MID2: variants seen among roughly 807,000 people sequenced by gnomAD.
The protein encoded by MID2 is probable E3 ubiquitin-protein ligase MID2.
In MID2, 13 loss-of-function variants were observed where a neutral mutation model predicts 46.1. The observed-to-expected ratio is 0.28, with a 90% CI of 0.18 to 0.45. The LOEUF (loss-of-function observed/expected upper bound fraction) is 0.45, where lower values mean the gene tolerates loss of function less well. Ranked by LOEUF, MID2 falls within the 20% of genes least tolerant of loss-of-function variation. MID2 has a pLI of 1.00. For synonymous variants in MID2, 199 were observed against 212.3 expected, an observed-to-expected ratio of 0.94 and a Z score of 0.55; for missense variants, 431 against 575.4, an observed-to-expected ratio of 0.75 and a Z score of 2.57.
intron 3 of MID2, among the ~76,000 whole-genome samples, chrX:107,890,297 G>C (rs1394982205): frequency 4.5e-5 from 5 of 111,889 alleles, no homozygotes; most frequent in Non-Finnish European, 7.5e-5. Context: ...TGGGGTTTTG[G>C]TGTGGATGTC....
chrX:107,924,196 G>A (rs764087311), intron 7 of MID2, 147 bp from the exon 8 acceptor site: 2 of 525,065 alleles, frequency 3.8e-6, no homozygotes, highest in African/African-American at 4.7e-5. Flanking sequence ...CATAAGCCCT[G>A]GTTCATCTCA....
intron 2 of MID2, among the ~76,000 whole-genome samples, chrX:107,852,469 C>T (rs747068681): frequency 1.8e-5 from 2 of 111,557 alleles, no homozygotes; most frequent in Non-Finnish European, 3.8e-5. Context: ...TCTTCCTTCC[C>T]CTTTTCTTTG....
intron 3 of MID2, among the ~76,000 whole-genome samples, chrX:107,877,497 A>G (rs149409547): frequency 8.9e-6 from 1 of 112,022 alleles, no homozygotes; most frequent in African/African-American, 3.2e-5. Flanking sequence ...AGGGAGAGAG[A>G]AAGTGAACCT....
intron 3 of MID2, among the ~76,000 whole-genome samples, chrX:107,867,403 C>T (rs1315412066): frequency 3.7e-5 from 4 of 109,044 alleles, no homozygotes; most frequent in Non-Finnish European, 7.6e-5. Context: ...CCTTGTGATC[C>T]GCCCACCTCG....
In MID2 at chrX:107,929,095, G is replaced by T. The variant is rs985103664; in HGVS notation, c.*2022G>T. On this transcript the variant is annotated 3_prime_UTR_variant, in exon 10 of 10. Transcript: ENST00000262843. Reference sequence around the variant, plus strand: ...TCTACTTCACAAGGCTGTTTCAAAGGTTAAAAAAGATAGCATATGTAAACT... The same window carrying T: ...TCTACTTCACAAGGCTGTTTCAAAGTTTAAAAAAGATAGCATATGTAAACT... Among the ~76,000 whole-genome samples, 2 of 111,383 alleles carry T rather than the reference G, an allele frequency of 1.8e-5. No homozygotes were observed. Among genetic ancestry groups the T allele is most frequent in the Non-Finnish European group, 3.8e-5 (2 of 52,956 alleles).
At chrX:107,903,655 G>A (rs923154791) in intron 3 of MID2, among the ~76,000 whole-genome samples, 5 of 111,476 alleles carry the variant, frequency 4.5e-5, no homozygotes, top group Non-Finnish European at 3.8e-5. Flanking sequence ...AACAGCAGGA[G>A]GAAAGGGTAC....
intron 1 of MID2, among the ~76,000 whole-genome samples, chrX:107,839,379 GTT>G (rs746993882): frequency 2.1e-5 from 2 of 93,761 alleles, no homozygotes; most frequent in Non-Finnish European, 2.2e-5. Flanking sequence ...TGTTTTGTTT[GTT>G]TTTTTTTTTT....
rs1602502658 is a variant in MID2 at position 107,910,979 on chromosome X, T to C, written c.1074-5023T>C. On this transcript the variant is annotated intron_variant, in intron 5 of 9. Transcript: ENST00000262843. Reference sequence around the variant, plus strand: ...AGTGATTCTTCTGCCTCAGCCTCCCTGGTAGCTGGGACTACAGGCTCACGC... The same window carrying C: ...AGTGATTCTTCTGCCTCAGCCTCCCCGGTAGCTGGGACTACAGGCTCACGC... Among the ~76,000 whole-genome samples, 3 of 101,722 alleles carry C rather than the reference T, an allele frequency of 2.9e-5. 1 individual carries two copies. In the Admixed American group the frequency reaches 3.4e-4, roughly 11 times the overall value. 88.3% of individuals were successfully genotyped at this position (101,722 alleles called of 115,157 possible). A position where few individuals can be genotyped will look rare whatever the true frequency, so the allele number is the denominator to read the frequency against.
chrX:107,926,259 G>C lies in MID2; in HGVS notation c.1763G>C (p.Ser588Thr). The change falls in exon 9 of 10, where the codon AGT becomes ACT. Residue 588 changes from serine (S) to threonine (T), a missense_variant. Ser to Thr is a moderately conservative substitution (Grantham distance 58, BLOSUM62 1). Transcript: ENST00000262843. ...GCAGCAGGAAATATATTCATTGACA[G>C]TGGCTGCCACTATTGGGAGGTGGTC... ...YGAAGNIFID[S>T]GCHYWEVVMG... is the part of the protein sequence containing the mutation. 5.8e-6 allele frequency: 7 copies of C among 1,210,440 alleles called. No individual in the cohort carries two copies. Among genetic ancestry groups the C allele is most frequent in the Non-Finnish European group, 7.8e-6 (7 of 894,955 alleles).
In MID2 at chrX:107,930,908, C is replaced by T. The variant is rs1360994217; in HGVS notation, c.*3835C>T. On this transcript the variant is annotated 3_prime_UTR_variant, in exon 10 of 10. Coordinates refer to ENST00000262843, the MANE Select transcript of MID2 (RefSeq NM_012216.4). The stretch of plus-strand genomic sequence containing the variant: ...TTATATTGTCTTATTGAAGAAAGCA[C>T]AAAAATAATCAAAAATAAAGTAAAA... 8.9e-6 allele frequency among the ~76,000 whole-genome samples: 1 copy of T among 111,852 alleles called. No individual in the cohort carries two copies. The highest frequency in any genetic ancestry group is 1.9e-5 in the Non-Finnish European group (1 of 53,076).
intron 3 of MID2, among the ~76,000 whole-genome samples, chrX:107,874,545 C>T (rs751119303): frequency 5.3e-5 from 6 of 112,441 alleles, no homozygotes; most frequent in Non-Finnish European, 1.1e-4. Flanking sequence ...GGGCCATTTG[C>T]TTTGCTTCTG....
chrX:107,845,525 A>ACT lies in MID2; in HGVS notation c.720+4172_720+4173dup, dbSNP rs766707051. Among the ~76,000 whole-genome samples, 717 of 72,877 alleles carry ACT rather than the reference A, an allele frequency of 9.8e-3. 8 individuals are homozygous for ACT. The highest frequency in any genetic ancestry group is 0.021 in the East Asian group (56 of 2,618). 63.3% of individuals were successfully genotyped at this position (72,877 alleles called of 115,157 possible). ...CACACACACACACACACACACACACACTCTCTCTCTCTCTCTCTCTCTCTC... is the reference window on the plus strand; with the variant it reads ...CACACACACACACACACACACACACACTCTCTCTCTCTCTCTCTCTCTCTCTC... On this transcript the variant is annotated intron_variant, in intron 2 of 9. Coordinates refer to ENST00000262843, the MANE Select transcript of MID2 (RefSeq NM_012216.4).
intron 3 of MID2, among the ~76,000 whole-genome samples, chrX:107,900,987 C>T (rs1010518863): frequency 5.4e-5 from 6 of 111,717 alleles, no homozygotes; most frequent in African/African-American, 2.0e-4. Flanking sequence ...TTCCTGGCTT[C>T]AGAGTAGAGG....
At position 107,826,302 on chromosome X, in the gene MID2, A is replaced by AGCGGCGGCG. The variant is rs1040001825; in HGVS notation, c.-118_-110dup. Reference sequence around the variant, plus strand: ...AAGGCGGGCGGCGGCCTACAGTGGTAGCGGCGGCGGCGGCGACCGGGGCCC... The same window carrying AGCGGCGGCG: ...AAGGCGGGCGGCGGCCTACAGTGGTAGCGGCGGCGGCGGCGGCGGCGGCGACCGGGGCCC... On this transcript the variant is annotated 5_prime_UTR_variant, in exon 1 of 10. Coordinates refer to ENST00000262843, the MANE Select transcript of MID2 (RefSeq NM_012216.4). The AGCGGCGGCG allele has an allele frequency of 3.1e-5, 24 of 783,026 alleles. No individual in the cohort carries two copies. Among genetic ancestry groups the AGCGGCGGCG allele is most frequent in the Non-Finnish European group, 1.0e-5 (6 of 591,807 alleles). The allele number at this position is 783,026 out of a possible 1,213,427, so 64.5% of individuals were successfully genotyped here.
intron 6 of MID2, among the ~76,000 whole-genome samples, chrX:107,916,494 C>T (rs1256619406): frequency 1.8e-5 from 2 of 111,614 alleles, no homozygotes; most frequent in Non-Finnish European, 1.9e-5. Flanking sequence ...GGTGTAAGTA[C>T]AACCAAAATG....
intron 8 of MID2, 87 bp downstream of exon 8, chrX:107,924,591 G>T: frequency 1.0e-6 from 1 of 983,985 alleles, no homozygotes; most frequent in Non-Finnish European, 1.4e-6. Flanking sequence ...TCACAGCAGT[G>T]CATGGGGAGC....
At chrX:107,863,852 C>G (rs997142404) in intron 3 of MID2, among the ~76,000 whole-genome samples, 1 of 112,468 alleles carries the variant, frequency 8.9e-6, no homozygotes, top group African/African-American at 3.2e-5. Context: ...CTCTGTGGTA[C>G]GGTAAGCAAG....
intron 3 of MID2, among the ~76,000 whole-genome samples, chrX:107,856,591 T>C (rs1261088802): frequency 9.0e-6 from 1 of 111,662 alleles, no homozygotes; most frequent in Non-Finnish European, 1.9e-5. Context: ...CACCCAAACA[T>C]AGCCTGTTCC....
At position 107,879,107 on chromosome X, in the gene MID2, G is replaced by A. The variant is rs149934189; in HGVS notation, c.816+24403G>A. ...ATGTGGATCTGCAGCAGCATCTGGC[G>A]GGGGTGGGGCCATGACCCCTGAAGC... is the stretch of plus-strand genomic sequence containing the variant. On this transcript the variant is annotated intron_variant, in intron 3 of 9. Transcript: ENST00000262843. 3.1e-3 allele frequency among the ~76,000 whole-genome samples: 343 copies of A among 111,305 alleles called. 1 individual carries two copies. Among genetic ancestry groups the A allele is most frequent in the African/African-American group, 0.01 (312 of 30,630 alleles).
Sources: gnomAD v4.1 joint callset for allele counts (sites outside exome capture counted in the v4.1 genomes callset) on GRCh38, gnomAD v4.1.1 for gene constraint, MANE v1.5 for transcripts, NCBI Gene and HGNC (gene_info 2026-07-23, HGNC 2026-07-21) for gene names.